Variants in MRTFB observed in about 807,000 individuals in gnomAD.
MRTFB encodes myocardin-related transcription factor B.
MRTFB carries 29 observed loss-of-function variants against 104.2 expected under a neutral mutation model. The ratio of observed to expected loss-of-function variants is 0.28; its 90% CI spans 0.21 to 0.38. The LOEUF (loss-of-function observed/expected upper bound fraction) is 0.38, where lower values mean the gene tolerates loss of function less well. Ranked by LOEUF, MRTFB falls within the 10% of genes least tolerant of loss-of-function variation. The probability of loss-of-function intolerance (pLI) is 1.00; values close to 1 mark genes in which losing one functional copy is unlikely to be tolerated. For synonymous variants in MRTFB, 535 were observed against 519.5 expected (o/e 1.03, Z -0.41); for missense variants, 1,270 against 1,341.6 (o/e 0.95, Z 0.83).
intron 3 of MRTFB, chr16:14,144,340 A>T (rs1195702548): frequency 6.6e-6 from 1 of 152,232 alleles, no homozygotes; most frequent in East Asian, 1.9e-4. Context: ...GGCTTATGAT[A>T]TATTAACCTA....
At chr16:14,142,337 C>T (rs2038052987) in intron 3 of MRTFB, 1 of 150,424 alleles carries the variant, frequency 6.6e-6, no homozygotes, top group African/African-American at 2.5e-5. Context: ...GGCTCTGCCT[C>T]CTGGGCTCAC....
At chr16:14,093,011 C>G (rs1167889989) in intron 2 of MRTFB, 2 of 152,152 alleles carry the variant, frequency 1.3e-5, no homozygotes, top group Non-Finnish European at 2.9e-5. Context: ...AAATCTGACT[C>G]CTGATTCCTC....
rs750881308 is a variant in MRTFB, at chr16:14,243,864, G to GTTTGTTTTTTTTTTTTTT, written c.1080-1661_1080-1660insGTTTTTTTTTTTTTTTTT. Among the ~76,000 whole-genome samples the GTTTGTTTTTTTTTTTTTT allele has an allele frequency of 1.2e-3, 148 of 124,646 alleles. 1 individual carries two copies. Among genetic ancestry groups the GTTTGTTTTTTTTTTTTTT allele is most frequent in the African/African-American group, 5.6e-3 (148 of 26,474 alleles). 81.8% of individuals were successfully genotyped at this position (124,646 alleles called of 152,430 possible). A position where few individuals can be genotyped will look rare whatever the true frequency, so the allele number is the denominator to read the frequency against. On this transcript the variant is annotated intron_variant, in intron 10 of 16. Transcript: ENST00000571589. Reference sequence around the variant, plus strand: ...CAGAGATTAGTTTTGCCTGTTTTGGGTTTTTTTTTTTTTGAGACAGAGTCT... The same window carrying GTTTGTTTTTTTTTTTTTT: ...CAGAGATTAGTTTTGCCTGTTTTGGGTTTGTTTTTTTTTTTTTTTTTTTTTTTTTTTGAGACAGAGTCT...
chr16:14,149,702 G>A (rs2038515580), intron 3 of MRTFB, among the ~76,000 whole-genome samples: 1 of 152,150 alleles, frequency 6.6e-6, no homozygotes, highest in African/African-American at 2.4e-5. Flanking sequence ...AGATTTTTAA[G>A]CCTCTAGTAC....
chr16:14,190,103 G>C (rs1364478677), intron 3 of MRTFB, among the ~76,000 whole-genome samples: 3 of 152,170 alleles, frequency 2.0e-5, no homozygotes, highest in African/African-American at 7.2e-5. Flanking sequence ...TCACAGCTTT[G>C]TTGATGCTTA....
At chr16:14,206,731 G>A (rs1408193985) in intron 3 of MRTFB, among the ~76,000 whole-genome samples, 1 of 152,000 alleles carries the variant, frequency 6.6e-6, no homozygotes, top group African/African-American at 2.4e-5. Flanking sequence ...CAGTGGAGAC[G>A]GGTTTCACCA....
Position 14,212,414 on chromosome 16 carries a change from G to A in MRTFB, c.276+5G>A. The stretch of plus-strand genomic sequence containing the variant: ...AAAAGCTTGGAACGAGCCAGAGTAA[G>A]ACATTTCACTTTAAAATGTTCTACT... On this transcript the variant is annotated splice_donor_5th_base_variant and intron_variant, in intron 5 of 16. Coordinates refer to ENST00000571589, the MANE Select transcript of MRTFB (RefSeq NM_001308142.2). 1 of 1,613,464 alleles carries A rather than the reference G, an allele frequency of 6.2e-7. No individual in the cohort carries two copies. Among genetic ancestry groups the A allele is most frequent in the Non-Finnish European group, 8.5e-7 (1 of 1,179,466 alleles).
intron 2 of MRTFB, among the ~76,000 whole-genome samples, chr16:14,096,762 A>G (rs539829468): frequency 2.6e-5 from 4 of 152,356 alleles, no homozygotes; most frequent in African/African-American, 7.2e-5. Context: ...CAACCTTTAG[A>G]TAATTTACTT....
intron 3 of MRTFB, among the ~76,000 whole-genome samples, chr16:14,164,985 G>A (rs866158236): frequency 4.0e-5 from 6 of 151,386 alleles, no homozygotes; most frequent in African/African-American, 1.2e-4. Context: ...ATTTCTAATC[G>A]CATCTTCCTT....
At chr16:14,203,632 T>A (rs1206841346) in intron 3 of MRTFB, among the ~76,000 whole-genome samples, 2 of 151,500 alleles carry the variant, frequency 1.3e-5, no homozygotes, top group African/African-American at 4.9e-5. Context: ...GAAAACCCCG[T>A]CTCTATTAAA....
At chr16:14,180,185 A>G (rs945885782) in intron 3 of MRTFB, among the ~76,000 whole-genome samples, 3 of 152,256 alleles carry the variant, frequency 2.0e-5, no homozygotes, top group Admixed American at 2.0e-4. Flanking sequence ...CTTAAGAGAC[A>G]GAGATTGTGT....
At chr16:14,197,990 T>G (rs917836635) in intron 3 of MRTFB, among the ~76,000 whole-genome samples, 1 of 152,218 alleles carries the variant, frequency 6.6e-6, no homozygotes, top group African/African-American at 2.4e-5. Context: ...GTTGCTGTCA[T>G]GCTCCCTTCC....
At chr16:14,104,198 C>A (rs1043267663) in intron 2 of MRTFB, among the ~76,000 whole-genome samples, 5 of 152,132 alleles carry the variant, frequency 3.3e-5, no homozygotes, top group Non-Finnish European at 7.4e-5. Context: ...GAAATTTAGC[C>A]AGAAAGACTG....
In MRTFB at chr16:14,261,052, C is replaced by T. The variant is rs2151483373; in HGVS notation, c.2908C>T (p.Pro970Ser). The T allele has an allele frequency of 6.2e-7, 1 of 1,614,188 alleles. No individual in the cohort carries two copies. The highest frequency in any genetic ancestry group is 8.5e-7 in the Non-Finnish European group (1 of 1,180,026). The change falls in exon 17 of 17, where the codon CCT (proline) becomes TCT (serine). Residue 970 changes from proline (P) to serine (S), a missense_variant. Pro to Ser is a moderately conservative substitution (Grantham distance 74). Coordinates refer to ENST00000571589, the MANE Select transcript of MRTFB (RefSeq NM_001308142.2). ...VQMAPPVSLE[P>S]MGSLSASLEN... ...AATGGCACCACCTGTATCTTTAGAA[C>T]CTATGGGCAGTTTATCTGCCAGCTT...
intron 2 of MRTFB, among the ~76,000 whole-genome samples, chr16:14,083,854 C>A (rs2034550253): frequency 6.6e-6 from 1 of 152,164 alleles, no homozygotes. Flanking sequence ...GTACCACCTT[C>A]TTTTGTATGT....
At chr16:14,059,779 G>A in the MRTFB span, among the ~76,000 whole-genome samples, 3 of 152,110 alleles carry the variant, frequency 2.0e-5, no homozygotes, top group African/African-American at 4.8e-5. Context: ...GCTTGGAGTT[G>A]GCTAGAAGAT....
the MRTFB span, among the ~76,000 whole-genome samples, chr16:13,996,378 C>T: frequency 6.6e-6 from 1 of 152,112 alleles, no homozygotes; most frequent in South Asian, 2.1e-4. Context: ...TCTGTGGCCC[C>T]TCTACTCTAT....
intron 2 of MRTFB, among the ~76,000 whole-genome samples, chr16:14,120,695 A>G (rs1281592534): frequency 6.6e-6 from 1 of 152,222 alleles, no homozygotes; most frequent in African/African-American, 2.4e-5. Flanking sequence ...GTGGCTTTAT[A>G]TATTGATACA....
At chr16:14,244,781 A>G (rs1196645581) in intron 10 of MRTFB, among the ~76,000 whole-genome samples, 1 of 152,126 alleles carries the variant, frequency 6.6e-6, no homozygotes, top group Non-Finnish European at 1.5e-5. Flanking sequence ...AGACCTTTTT[A>G]TATACTCTAG....
Sources: gnomAD v4.1 joint callset for allele counts (sites outside exome capture counted in the v4.1 genomes callset) on GRCh38, gnomAD v4.1.1 for gene constraint, MANE v1.5 for transcripts, NCBI Gene and HGNC (gene_info 2026-07-23, HGNC 2026-07-21) for gene names.